Variants in RBFOX1 observed in about 807,000 individuals in gnomAD.
The protein encoded by RBFOX1 is RNA binding protein fox-1 homolog 1.
In RBFOX1, 8 loss-of-function variants were observed where a neutral mutation model predicts 57.7. That is an observed-to-expected ratio of 0.14 (90% CI 0.08 to 0.25). The LOEUF (loss-of-function observed/expected upper bound fraction) is 0.25, where lower values mean the gene tolerates loss of function less well. RBFOX1 is among the 10% of genes least tolerant of loss of function. The pLI is 1.00. For synonymous variants in RBFOX1, 326 were observed against 222.4 expected, an observed-to-expected ratio of 1.47 and a Z score of -4.15; for missense variants, 611 against 548.5, an observed-to-expected ratio of 1.11 and a Z score of -1.14.
Position 7,664,963 on chromosome 16 carries a change from A to G in RBFOX1, c.925A>G (p.Ile309Val). The change falls in exon 13 of 16, where the codon ATT becomes GTT. Residue 309 changes from isoleucine (I) to valine (V), a missense_variant. Physicochemically the swap from Ile to Val is conservative, Grantham distance 29 (BLOSUM62 3). Coordinates refer to ENST00000550418, the MANE Select transcript of RBFOX1 (RefSeq NM_018723.4). ...CCAGGATGGATTTTATGGTGCAGAC[A>G]TTTATGTAAGTATTCATTCACGTGC... ...VYQDGFYGAD[I>V]YGGYAAYRYA... 1 of 1,613,910 alleles carries G rather than the reference A, an allele frequency of 6.2e-7. No homozygotes were observed.
rs1178496274 is a variant in RBFOX1 at position 7,711,174 on chromosome 16, G to A, written c.*429G>A. The A allele has an allele frequency of 6.6e-6, 1 of 152,016 alleles. No homozygotes were observed. The highest frequency in any genetic ancestry group is 6.6e-5 in the Admixed American group (1 of 15,144). The allele number at this position is 152,016 out of a possible 1,614,324, so 9.4% of individuals were successfully genotyped here. A position where few individuals can be genotyped will look rare whatever the true frequency, so the allele number is the denominator to read the frequency against. On this transcript the variant is annotated 3_prime_UTR_variant, in exon 16 of 16. Coordinates refer to ENST00000550418, the MANE Select transcript of RBFOX1 (RefSeq NM_018723.4). The stretch of plus-strand genomic sequence containing the variant: ...CTGCACCTGCATTATTTTATTTTGC[G>A]AAAGGGGAGGTTGGGAGGGGCTTAG...
intron 14 of RBFOX1, among the ~76,000 whole-genome samples, chr16:7,699,734 CTT>C (rs143846992): frequency 6.7e-6 from 1 of 148,568 alleles, no homozygotes; most frequent in African/African-American, 2.5e-5. Context: ...ATGAGTTCAC[CTT>C]TTTTTTTTAC....
intron 12 of RBFOX1, 31 bp from the exon 13 acceptor site, chr16:7,664,898 G>A (rs868789817): frequency 1.2e-5 from 20 of 1,613,838 alleles, no homozygotes; most frequent in Non-Finnish European, 1.6e-5. Flanking sequence ...CACTAATATG[G>A]ATGTTTCTCT....
intron 10 of RBFOX1, among the ~76,000 whole-genome samples, chr16:7,628,236 C>T (rs895382397): frequency 2.6e-5 from 4 of 152,044 alleles, no homozygotes; most frequent in African/African-American, 7.2e-5. Context: ...TTAAACCAGG[C>T]GTGCACAGGA....
intron 3 of RBFOX1, among the ~76,000 whole-genome samples, chr16:6,789,069 C>T (rs980870417): frequency 3.3e-5 from 5 of 152,080 alleles, no homozygotes; most frequent in Non-Finnish European, 5.9e-5. Context: ...GCGAAATTGC[C>T]TATTAAACAG....
At chr16:6,606,261 C>G (rs939056466) in intron 2 of RBFOX1, among the ~76,000 whole-genome samples, 2 of 151,960 alleles carry the variant, frequency 1.3e-5, no homozygotes, top group Non-Finnish European at 2.9e-5. Context: ...ATATTTTTTC[C>G]AAGCCAATAT....
intron 2 of RBFOX1, among the ~76,000 whole-genome samples, chr16:6,466,838 T>A (rs1239734520): frequency 3.9e-5 from 6 of 152,182 alleles, no homozygotes; most frequent in African/African-American, 1.2e-4. Context: ...ATCCTCTCAT[T>A]GATTTCTAGT....
Position 5,947,364 on chromosome 16 carries a change from CAG to C in RBFOX1, c.351+80031_351+80032del, listed in dbSNP as rs1319370811. 6.6e-6 allele frequency among the ~76,000 whole-genome samples: 1 copy of C among 152,176 alleles called. No individual in the cohort carries two copies. The highest frequency in any genetic ancestry group is 2.4e-5 in the African/African-American group (1 of 41,446). Reference sequence around the variant, plus strand: ...AACCATGTGTTCTACATTGCAATGACAGATTTTTGTTCTGTTTTGTTTTCAGA... The same window carrying C: ...AACCATGTGTTCTACATTGCAATGACATTTTTGTTCTGTTTTGTTTTCAGA... On this transcript the variant is annotated intron_variant, in intron 4 of 19. Transcript: ENST00000641259. This position sits in a 1 kb window ranked among gnomAD's most constrained non-coding sequence, Gnocchi z 7.2.
chr16:6,773,990 T>C (rs890254197), intron 3 of RBFOX1: 1 of 985,340 alleles, frequency 1.0e-6, no homozygotes, highest in Non-Finnish European at 1.2e-6. Flanking sequence ...CAACTGAACC[T>C]GTAATTAGCT....
At chr16:5,609,207 A>G (rs1238483541) in intron 3 of RBFOX1, among the ~76,000 whole-genome samples, 1 of 151,984 alleles carries the variant, frequency 6.6e-6, no homozygotes, top group Non-Finnish European at 1.5e-5. Context: ...CTTCTTCCAA[A>G]CTCCCATGGC....
At chr16:5,719,823 G>A (rs145387399) in intron 3 of RBFOX1, among the ~76,000 whole-genome samples, 2 of 152,252 alleles carry the variant, frequency 1.3e-5, no homozygotes, top group East Asian at 3.9e-4. Context: ...CATTTGGGTT[G>A]TTTCCGTGTT....
intron 4 of RBFOX1, among the ~76,000 whole-genome samples, chr16:5,925,202 G>A (rs1044720905): frequency 6.6e-6 from 1 of 152,264 alleles, no homozygotes; most frequent in Middle Eastern, 3.4e-3. Flanking sequence ...CCTACTGCCT[G>A]TATACAAATG....
At chr16:5,414,078 G>A (rs1011143200) in intron 1 of RBFOX1, among the ~76,000 whole-genome samples, 1 of 152,166 alleles carries the variant, frequency 6.6e-6, no homozygotes, top group Non-Finnish European at 1.5e-5. Context: ...CTTTGGGGCT[G>A]TACAACACTC....
intron 3 of RBFOX1, among the ~76,000 whole-genome samples, chr16:6,711,088 C>T (rs559642533): frequency 6.6e-6 from 1 of 152,170 alleles, no homozygotes; most frequent in Non-Finnish European, 1.5e-5. Context: ...TCTTTCTTGA[C>T]ACTTCTGTTT....
chr16:5,803,840 C>G (rs1037410236), intron 3 of RBFOX1, among the ~76,000 whole-genome samples: 8 of 152,164 alleles, frequency 5.3e-5, no homozygotes, highest in Non-Finnish European at 1.2e-4. Context: ...CTTCTTTCCT[C>G]TCCTGGTCTT....
At chr16:6,042,737 G>A (rs1239733977) in intron 1 of RBFOX1, among the ~76,000 whole-genome samples, 1 of 152,160 alleles carries the variant, frequency 6.6e-6, no homozygotes, top group Non-Finnish European at 1.5e-5. Flanking sequence ...TAGGGAGACA[G>A]AAGTTATAGG....
At chr16:6,634,853 CTTTAAA>C (rs1418619034) in intron 2 of RBFOX1, among the ~76,000 whole-genome samples, 12 of 138,098 alleles carry the variant, frequency 8.7e-5, no homozygotes, top group South Asian at 2.3e-4. Context: ...ATATATAATA[CTTTAAA>C]TTTAAATTCA....
At chr16:7,441,433 G>C (rs944880838) in intron 4 of RBFOX1, among the ~76,000 whole-genome samples, 3 of 152,170 alleles carry the variant, frequency 2.0e-5, no homozygotes, top group African/African-American at 4.8e-5. Flanking sequence ...TCCCATTACA[G>C]AAGAGCAGAG....
intron 1 of RBFOX1, among the ~76,000 whole-genome samples, chr16:6,313,373 AG>A (rs1434949836): frequency 6.6e-6 from 1 of 152,192 alleles, no homozygotes; most frequent in African/African-American, 2.4e-5. Context: ...CATGGGGGCA[AG>A]GGGTGCAAGC....
Sources: allele counts gnomAD v4.1 joint callset (sites outside exome capture counted in the v4.1 genomes callset), GRCh38; gene constraint gnomAD v4.1.1; non-coding constraint Gnocchi (gnomAD v3.1); transcripts MANE v1.5; gene names NCBI Gene and HGNC (gene_info 2026-07-23, HGNC 2026-07-21).